PDE6A: variants seen among roughly 807,000 people sequenced by gnomAD.
PDE6A encodes rod cGMP-specific 3',5'-cyclic phosphodiesterase subunit alpha.
In PDE6A, 84 loss-of-function variants were observed where a neutral mutation model predicts 106.3. The ratio of observed to expected loss-of-function variants is 0.79; its 90% confidence interval spans 0.66 to 0.95. The LOEUF (loss-of-function observed/expected upper bound fraction) is 0.95, where lower values mean the gene tolerates loss of function less well. Ranked by LOEUF, PDE6A falls within the 40% of genes least tolerant of loss-of-function variation. The pLI, the probability that PDE6A is intolerant of heterozygous loss-of-function variation, is 0.00. For synonymous variants in PDE6A, 394 were observed against 386.6 expected, an observed-to-expected ratio of 1.02 and a Z score of -0.23; for missense variants, 1,052 against 1,084.9, an observed-to-expected ratio of 0.97 and a Z score of 0.43.
At chr5:149,900,498 G>A (rs184076277) in intron 8 of PDE6A, among the ~76,000 whole-genome samples, 1 of 150,310 alleles carries the variant, frequency 6.7e-6, no homozygotes, top group Non-Finnish European at 1.5e-5. Context: ...TAATCTGTAA[G>A]GTAAACCAGC....
intron 4 of PDE6A, among the ~76,000 whole-genome samples, chr5:149,924,538 T>C (rs72830293): frequency 0.079 from 12,085 of 152,030 alleles, 511 homozygotes; most frequent in South Asian, 0.14. Context: ...TTACGGTATA[T>C]TTATACTACT....
intron 5 of PDE6A, among the ~76,000 whole-genome samples, 158 bp downstream of exon 5, chr5:149,921,477 T>G (rs1439604485): frequency 6.6e-6 from 1 of 152,038 alleles, no homozygotes; most frequent in East Asian, 1.9e-4. Context: ...TTTTAGCACC[T>G]GTCTGCTATT....
intron 4 of PDE6A, 115 bp downstream of exon 4, chr5:149,930,913 T>C (rs1281166109): frequency 9.2e-7 from 1 of 1,083,276 alleles, no homozygotes; most frequent in Non-Finnish European, 1.4e-6. Context: ...TCTACAACCA[T>C]CCCAATTCAC....
At chr5:149,884,346 G>GTATATA in intron 16 of PDE6A, 133 bp downstream of exon 16, 2 of 654,906 alleles carry the variant, frequency 3.1e-6, no homozygotes, top group Non-Finnish European at 5.5e-6. Context: ...ATATATATGT[G>GTATATA]TGTATATATG....
At chr5:149,904,939 C>T (rs1389988085) in intron 7 of PDE6A, among the ~76,000 whole-genome samples, 8 of 152,122 alleles carry the variant, frequency 5.3e-5, no homozygotes, top group Middle Eastern at 3.2e-3. Flanking sequence ...TTTACCTTCT[C>T]GTTACCCATC....
At chr5:149,888,050 T>G (rs2113562967) in intron 13 of PDE6A, among the ~76,000 whole-genome samples, 1 of 152,202 alleles carries the variant, frequency 6.6e-6, no homozygotes, top group East Asian at 1.9e-4. Context: ...GGTGGGAGGA[T>G]CGCTTGAGCC....
At chr5:149,875,125 G>A (rs567299363) in intron 17 of PDE6A, among the ~76,000 whole-genome samples, 1 of 152,238 alleles carries the variant, frequency 6.6e-6, no homozygotes, top group South Asian at 2.1e-4. Flanking sequence ...TAAGCAATGG[G>A]CCCCGAGATG....
intron 7 of PDE6A, among the ~76,000 whole-genome samples, chr5:149,904,664 T>C (rs1010780188): frequency 1.3e-5 from 2 of 152,144 alleles, no homozygotes; most frequent in Non-Finnish European, 2.9e-5. Flanking sequence ...AGGAGTGGGC[T>C]GTCTGTGGTC....
intron 1 of PDE6A, 119 bp downstream of exon 1, chr5:149,944,081 G>A (rs1328294850): frequency 4.1e-6 from 3 of 739,986 alleles, no homozygotes; most frequent in African/African-American, 3.5e-5. Context: ...AATAAATAAA[G>A]AAGAAGCACC....
At chr5:149,876,349 CTTTTTTTTTTT>C (rs896643767) in intron 17 of PDE6A, among the ~76,000 whole-genome samples, 1 of 120,126 alleles carries the variant, frequency 8.3e-6, no homozygotes, top group African/African-American at 3.1e-5. Context: ...CATTTTTCCT[CTTTTTTTTTTT>C]TTTTTTTTTT....
chr5:149,878,893 G>A (rs1174905909), intron 17 of PDE6A, among the ~76,000 whole-genome samples: 1 of 152,108 alleles, frequency 6.6e-6, no homozygotes, highest in Non-Finnish European at 1.5e-5. Context: ...TCTCTTAGAA[G>A]TGGTGCAAAT....
rs1035470322 is a variant in PDE6A at position 149,867,715 on chromosome 5, G to A, written c.2274+10C>T. ...ACCTAACATCAGGCTGACATCCCCT[G>A]TCTACTCACAATGGGATTCTGTTGC... On this transcript the variant is annotated intron_variant, in intron 19 of 21. Coordinates refer to ENST00000255266, the MANE Select transcript of PDE6A (RefSeq NM_000440.3). The A allele has an allele frequency of 6.2e-7, 1 of 1,612,042 alleles. No homozygotes were observed. Among genetic ancestry groups the A allele is most frequent in the Non-Finnish European group, 8.5e-7 (1 of 1,178,276 alleles).
chr5:149,871,629 TAAGAGAAGCTCCACAGAG>T, intron 17 of PDE6A, among the ~76,000 whole-genome samples: 2 of 152,044 alleles, frequency 1.3e-5, no homozygotes, highest in African/African-American at 4.8e-5. Context: ...GGAGACCTGG[TAAGAGAAGCTCCACAGAG>T]GAGCAGGGGC....
intron 17 of PDE6A, among the ~76,000 whole-genome samples, chr5:149,882,713 A>G (rs1760972424): frequency 1.3e-5 from 2 of 152,252 alleles, no homozygotes; most frequent in Admixed American, 6.5e-5. Context: ...GTAAAGGAAT[A>G]CGTTAAAAAT....
intron 4 of PDE6A, among the ~76,000 whole-genome samples, chr5:149,923,572 ACAT>A (rs1439910532): frequency 2.9e-5 from 3 of 103,568 alleles, no homozygotes; most frequent in African/African-American, 1.9e-4. Context: ...ACATAACATA[ACAT>A]AACAAACAAC....
intron 7 of PDE6A, among the ~76,000 whole-genome samples, chr5:149,905,667 A>C (rs1386510147): frequency 6.6e-6 from 1 of 152,034 alleles, no homozygotes; most frequent in African/African-American, 2.4e-5. Context: ...GTGAGTATTA[A>C]ATTTAGGTAG....
At chr5:149,883,006 C>T (rs1253738420) in intron 17 of PDE6A, among the ~76,000 whole-genome samples, 3 of 152,094 alleles carry the variant, frequency 2.0e-5, no homozygotes, top group African/African-American at 7.2e-5. Flanking sequence ...TGCAGTAAGC[C>T]GAGATCGCAC....
intron 9 of PDE6A, 76 bp from the exon 10 acceptor site, chr5:149,898,582 T>C (rs1752846301): frequency 1.3e-5 from 19 of 1,441,218 alleles, no homozygotes; most frequent in Non-Finnish European, 1.8e-5. Flanking sequence ...ATAGCAAGAG[T>C]CTCTAGGCCT....
intron 3 of PDE6A, among the ~76,000 whole-genome samples, chr5:149,932,863 G>T (rs920106877): frequency 2.0e-5 from 3 of 152,194 alleles, no homozygotes; most frequent in Non-Finnish European, 4.4e-5. Flanking sequence ...GCCGCCCTCC[G>T]GCTCCCAGGG....
Sources: allele counts gnomAD v4.1 joint callset (sites outside exome capture counted in the v4.1 genomes callset), GRCh38; gene constraint gnomAD v4.1.1; transcripts MANE v1.5; gene names NCBI Gene and HGNC (gene_info 2026-07-23, HGNC 2026-07-21).